TYK2: variants seen among roughly 807,000 people sequenced by gnomAD.
TYK2 encodes non-receptor tyrosine-protein kinase TYK2.
A neutral mutation model predicts 130.9 loss-of-function variants in TYK2; 65 were observed. The observed-to-expected ratio is 0.50, with a 90% CI of 0.41 to 0.61. The LOEUF is 0.61. TYK2 is among the 20% of genes least tolerant of loss of function. TYK2 has a pLI of 0.00. For missense variants in TYK2, 1,378 were observed against 1,610.7 expected (o/e 0.86, Z 2.47); for synonymous variants, 647 against 658.9 (o/e 0.98, Z 0.28).
intron 3 of TYK2, among the ~76,000 whole-genome samples, chr19:10,368,958 G>A (rs540118445): frequency 8.5e-4 from 129 of 152,018 alleles, no homozygotes; most frequent in Non-Finnish European, 1.6e-3. Context: ...ACAGGTGTGC[G>A]CCACCAACCC....
At chr19:10,367,952 G>T in intron 5 of TYK2, 103 bp downstream of exon 5, 7 of 1,335,476 alleles carry the variant, frequency 5.2e-6, no homozygotes, top group African/African-American at 1.5e-5. Context: ...GATAGCATGA[G>T]TTGAAACCTA....
chr19:10,373,456 G>A (rs2041998735), intron 3 of TYK2, among the ~76,000 whole-genome samples: 1 of 152,012 alleles, frequency 6.6e-6, no homozygotes, highest in African/African-American at 2.4e-5. Context: ...TCCTGCCTCA[G>A]CCTCCCAAGT....
rs747045647 is a variant in TYK2 at position 10,365,497 on chromosome 19, G to A, written c.1011+20C>T. 3.5e-5 allele frequency: 56 copies of A among 1,613,248 alleles called. No individual in the cohort carries two copies. The highest frequency in any genetic ancestry group is 1.2e-4 in the African/African-American group (9 of 74,932). ...CCAGCCCAACCTGAACCCCCAGGGCGGAAGGGGCGCCTTGCTCACCTCCTC... is the reference window on the plus strand; with the variant it reads ...CCAGCCCAACCTGAACCCCCAGGGCAGAAGGGGCGCCTTGCTCACCTCCTC... On this transcript the variant is annotated intron_variant, in intron 7 of 24. Transcript: ENST00000525621.
intron 3 of TYK2, among the ~76,000 whole-genome samples, chr19:10,371,636 CA>C (rs570439632): frequency 6.5e-4 from 93 of 142,006 alleles, no homozygotes; most frequent in African/African-American, 7.5e-4. Flanking sequence ...AACTCTGTCT[CA>C]AAAAAAAAAA....
chr19:10,364,817 T>C lies in TYK2; in HGVS notation c.1209+34A>G. On this transcript the variant is annotated intron_variant, in intron 8 of 24. Coordinates refer to ENST00000525621, the MANE Select transcript of TYK2 (RefSeq NM_003331.5). The surrounding 1 kb of genome is among the most constrained non-coding windows in gnomAD (Gnocchi z 4.9). ...AGGTGGGTGTCCTCCCAGGCCATGA[T>C]GGGCCCTAGCCCAGCCCCTACCCTG... 6.2e-7 allele frequency: 1 copy of C among 1,613,956 alleles called. No individual in the cohort carries two copies. The highest frequency in any genetic ancestry group is 1.1e-5 in the South Asian group (1 of 91,090).
Position 10,361,873 on chromosome 19 carries a change from C to T in TYK2, c.1856G>A (p.Gly619Asp), listed in dbSNP as rs1033724818. ...GAGGGGGTCCTCGTCATCCATCTTG[C>T]CCTCCTCAGGGTCCCCGCTGCCCTC... is the stretch of plus-strand genomic sequence containing the variant. ...RVEGSGDPEE[G>D]KMDDEDPLVP... Residue 619 changes from glycine (G) to aspartate (D), a missense_variant, in exon 13 of 25, where the codon GGC (glycine) becomes GAC (aspartate). By Grantham distance (94) the Gly-to-Asp change is moderately conservative. Coordinates refer to ENST00000525621, the MANE Select transcript of TYK2 (RefSeq NM_003331.5). This position sits in a 1 kb window ranked among gnomAD's most constrained non-coding sequence, Gnocchi z 4.0. 1.2e-6 allele frequency: 2 copies of T among 1,613,942 alleles called. No individual in the cohort carries two copies. The highest frequency in any genetic ancestry group is 2.7e-5 in the African/African-American group (2 of 74,908).
At position 10,368,149 on chromosome 19, in the gene TYK2, C is replaced by G; in HGVS notation, c.371G>C (p.Arg124Pro). Residue 124 changes from arginine to proline, a missense_variant, in exon 5 of 25, where the codon CGT becomes CCT. Coordinates refer to ENST00000525621, the MANE Select transcript of TYK2 (RefSeq NM_003331.5). ...GMNPREPAVY[R>P]CGPPGTEASS... Reference sequence around the variant, plus strand: ...TGCCTCGGTTCCTGGGGGCCCACAACGGTACACAGCCGGTTCCCGAGGATT... The same window carrying G: ...TGCCTCGGTTCCTGGGGGCCCACAAGGGTACACAGCCGGTTCCCGAGGATT... 6.2e-7 allele frequency: 1 copy of G among 1,614,026 alleles called. No homozygotes were observed. The highest frequency in any genetic ancestry group is 8.5e-7 in the Non-Finnish European group (1 of 1,180,004).
Position 10,365,950 on chromosome 19 carries a change from G to A in TYK2, c.630-52C>T, listed in dbSNP as rs546198090. The A allele has an allele frequency of 2.1e-3, 3,296 of 1,537,968 alleles. 6 individuals carry two copies. The highest frequency in any genetic ancestry group is 2.8e-3 in the Non-Finnish European group (3,153 of 1,140,056). On this transcript the variant is annotated intron_variant, in intron 6 of 24. Coordinates refer to ENST00000525621, the MANE Select transcript of TYK2 (RefSeq NM_003331.5). The stretch of plus-strand genomic sequence containing the variant: ...GTCAGGGACCTGGGTTGCAGGCCCA[G>A]CTGGGTGACACAGGGCAAGTGGCTT...
In TYK2 at chr19:10,364,373, G is replaced by A. The variant is rs1337594393; in HGVS notation, c.1367+241C>T. On this transcript the variant is annotated intron_variant, in intron 9 of 24. Coordinates refer to ENST00000525621, the MANE Select transcript of TYK2 (RefSeq NM_003331.5). This position sits in a 1 kb window ranked among gnomAD's most constrained non-coding sequence, Gnocchi z 4.9. ...AAAAATACAAAAATTAGCCTGGCAT[G>A]GTGGCGAGTGCCTGTAGTCCCAGGT... Among the ~76,000 whole-genome samples the A allele has an allele frequency of 1.3e-5, 2 of 152,144 alleles. No individual in the cohort carries two copies. Among genetic ancestry groups the A allele is most frequent in the African/African-American group, 2.4e-5 (1 of 41,432 alleles).
chr19:10,371,578 G>A (rs1170019285), intron 3 of TYK2, among the ~76,000 whole-genome samples: 1 of 152,042 alleles, frequency 6.6e-6, no homozygotes, highest in African/African-American at 2.4e-5. Flanking sequence ...GGAGGTTGCG[G>A]TGAGCTGAGA....
At position 10,353,070 on chromosome 19, in the gene TYK2, T is replaced by C; in HGVS notation, c.3056A>G (p.Tyr1019Cys). The change falls in exon 22 of 25, where the codon TAC becomes TGC. Residue 1019 changes from tyrosine (Y) to cysteine (C), a missense_variant. Physicochemically the swap from Tyr to Cys is radical, Grantham distance 194 (BLOSUM62 -2). Transcript: ENST00000525621. The surrounding 1 kb of genome is among the most constrained non-coding windows in gnomAD (Gnocchi z 6.9). Reference sequence around the variant, plus strand: ...GCGCGCGGCTAGGTCTCGGTGGATGTAGTGCTGCGCGTGCAGATAGGCCAT... The same window carrying C: ...GCGCGCGGCTAGGTCTCGGTGGATGCAGTGCTGCGCGTGCAGATAGGCCAT... ...EGMAYLHAQH[Y>C]IHRDLAARNV... 2 of 1,566,986 alleles carry C rather than the reference T, an allele frequency of 1.3e-6. No homozygotes were observed. Among genetic ancestry groups the C allele is most frequent in the Non-Finnish European group, 8.7e-7 (1 of 1,154,126 alleles).
At position 10,353,629 on chromosome 19, in the gene TYK2, G is replaced by A; in HGVS notation, c.2926C>T (p.Leu976=). 6.8e-7 allele frequency: 1 copy of A among 1,474,114 alleles called. No individual in the cohort carries two copies. The highest frequency in any genetic ancestry group is 1.5e-5 in the South Asian group (1 of 66,978). 91.3% of individuals were successfully genotyped at this position (1,474,114 alleles called of 1,614,324 possible). ...CCCAGGGGCACGTACTCCATGACCA[G>A]CTGCAGCGACTTCTCGCCTGCCGCG... The part of the protein sequence containing the change: ...CEDQGEKSLQ[L]VMEYVPLGSL... Residue 976 remains leucine, a synonymous_variant, in exon 21 of 25, where the codon CTG becomes TTG. Coordinates refer to ENST00000525621, the MANE Select transcript of TYK2 (RefSeq NM_003331.5). This position sits in a 1 kb window ranked among gnomAD's most constrained non-coding sequence, Gnocchi z 6.9.
In TYK2 at chr19:10,362,631, C is replaced by T. The variant is rs771922681; in HGVS notation, c.1394G>A (p.Arg465Gln). The change falls in exon 10 of 25, where the codon CGG (arginine) becomes CAG (glutamine). Residue 465 changes from arginine (R) to glutamine (Q), a missense_variant. By Grantham distance (43) the Arg-to-Gln change is conservative. Coordinates refer to ENST00000525621, the MANE Select transcript of TYK2 (RefSeq NM_003331.5). ...LLEPFVQAKL[R>Q]PEDGLYLIHW... is the part of the protein sequence containing the mutation. Reference sequence around the variant, plus strand: ...AATGAGGTACAGGCCGTCCTCGGGCCGCAGCTTGGCCTGCACAAATGGCTC... The same window carrying T: ...AATGAGGTACAGGCCGTCCTCGGGCTGCAGCTTGGCCTGCACAAATGGCTC... The T allele has an allele frequency of 1.2e-5, 19 of 1,551,720 alleles. No individual in the cohort carries two copies. The Admixed American group carries it at 1.4e-4, about 11-fold the overall frequency.
At chr19:10,373,473 G>A (rs896190187) in intron 3 of TYK2, among the ~76,000 whole-genome samples, 1 of 152,038 alleles carries the variant, frequency 6.6e-6, no homozygotes, top group African/African-American at 2.4e-5. Context: ...AAGTAGCTGG[G>A]ATGTGCGTCA....
At position 10,368,199 on chromosome 19, in the gene TYK2, A is replaced by T; in HGVS notation, c.321T>A (p.Phe107Leu). Reference sequence around the variant, plus strand: ...TCATGCCATGCCAGTTCCGGAAATAAAACCTGCAGGAAGGAGGGACGCAGC... The same window carrying T: ...TCATGCCATGCCAGTTCCGGAAATATAACCTGCAGGAAGGAGGGACGCAGC... Reference protein sequence around the residue: ...ASLMLYFRIRFYFRNWHGMNP... With the variant: ...ASLMLYFRIRLYFRNWHGMNP... The change falls in exon 5 of 25, where the codon TTT (phenylalanine) becomes TTA (leucine). Residue 107 changes from phenylalanine to leucine, a missense_variant. Physicochemically the swap from Phe to Leu is conservative, Grantham distance 22. Transcript: ENST00000525621. The T allele has an allele frequency of 1.2e-6, 2 of 1,614,114 alleles. No individual in the cohort carries two copies. Among genetic ancestry groups the T allele is most frequent in the Non-Finnish European group, 1.7e-6 (2 of 1,180,022 alleles).
At position 10,372,484 on chromosome 19, in the gene TYK2, A is replaced by ATTTT. The variant is rs1170442654; in HGVS notation, c.194-4070_194-4067dup. Among the ~76,000 whole-genome samples, 226 of 37,428 alleles carry ATTTT rather than the reference A, an allele frequency of 6.0e-3. 23 individuals carry two copies. In the East Asian group the frequency reaches 0.07, roughly 12 times the overall value. The allele number at this position is 37,428 out of a possible 152,430, so 24.6% of individuals were successfully genotyped here. On this transcript the variant is annotated intron_variant, in intron 3 of 24. Coordinates refer to ENST00000525621, the MANE Select transcript of TYK2 (RefSeq NM_003331.5). ...TATATATATATATATATATATATAT[A>ATTTT]TTTTTTTTTTTTTTTTTTTTTTTGA...
chr19:10,377,128 C>G (rs2042148034), intron 3 of TYK2, among the ~76,000 whole-genome samples: 1 of 152,132 alleles, frequency 6.6e-6, no homozygotes, highest in South Asian at 2.1e-4. Context: ...TGGTCTCCAA[C>G]TACTGGCCTC....
At chr19:10,357,610 A>G (rs963106727) in intron 17 of TYK2, 154 bp downstream of exon 17, 4 of 1,039,044 alleles carry the variant, frequency 3.8e-6, no homozygotes, top group African/African-American at 1.6e-5. Context: ...CTGGGACTAC[A>G]TTGAGCCCCA....
rs1216402881 is a variant in TYK2, at chr19:10,365,185, A to G, written c.1012-137T>C. ...TTGACCTCCCAAGTCCCAGTGTCAC[A>G]GGTGGGATGGGGACCCACCCCAAAA... On this transcript the variant is annotated intron_variant, in intron 7 of 24. Coordinates refer to ENST00000525621, the MANE Select transcript of TYK2 (RefSeq NM_003331.5). The G allele has an allele frequency of 1.2e-5, 13 of 1,041,904 alleles. No individual in the cohort carries two copies. In the East Asian group the frequency reaches 3.1e-4, roughly 25 times the overall value. The allele number at this position is 1,041,904 out of a possible 1,614,324, so 64.5% of individuals were successfully genotyped here.
Sources: allele counts gnomAD v4.1 joint callset (sites outside exome capture counted in the v4.1 genomes callset), GRCh38; gene constraint gnomAD v4.1.1; non-coding constraint Gnocchi (gnomAD v3.1); transcripts MANE v1.5; gene names NCBI Gene and HGNC (gene_info 2026-07-23, HGNC 2026-07-21).